Variants in IMPG2 observed in about 807,000 individuals in gnomAD.
The protein encoded by IMPG2 is interphotoreceptor matrix proteoglycan 2.
In IMPG2, 91 loss-of-function variants were observed where a neutral mutation model predicts 129.2. The observed-to-expected ratio is 0.70, with a 90% CI of 0.59 to 0.84. IMPG2 has a LOEUF of 0.84. Ranked by LOEUF, IMPG2 falls within the 40% of genes least tolerant of loss-of-function variation. The pLI, the probability that IMPG2 is intolerant of heterozygous loss-of-function variation, is 0.00. For missense variants in IMPG2, 1,430 were observed against 1,461.7 expected (o/e 0.98, Z 0.35); for synonymous variants, 510 against 517.7 (o/e 0.99, Z 0.20).
Position 101,320,471 on chromosome 3 carries a change from A to G in IMPG2, c.-99T>C, listed in dbSNP as rs1054449525. Reference sequence around the variant, plus strand: ...AACAAAGAGTTATAGGAAAGACCTAACATTTAAAAGTCTATGTTTGAGAAT... The same window carrying G: ...AACAAAGAGTTATAGGAAAGACCTAGCATTTAAAAGTCTATGTTTGAGAAT... On this transcript the variant is annotated 5_prime_UTR_variant, in exon 1 of 19. Transcript: ENST00000193391. 8.1e-5 allele frequency: 61 copies of G among 753,056 alleles called. No homozygotes were observed. The highest frequency in any genetic ancestry group is 8.0e-4 in the South Asian group (52 of 65,212). The allele number at this position is 753,056 out of a possible 1,614,324, so 46.6% of individuals were successfully genotyped here. A position where few individuals can be genotyped will look rare whatever the true frequency, so the allele number is the denominator to read the frequency against.
At chr3:101,318,147 A>AT (rs1233499229) in intron 2 of IMPG2, among the ~76,000 whole-genome samples, 13 of 65,546 alleles carry the variant, frequency 2.0e-4, no homozygotes, top group African/African-American at 6.4e-4. Context: ...AAAAATAGTA[A>AT]TAAATAATAA....
intron 12 of IMPG2, among the ~76,000 whole-genome samples, chr3:101,245,060 G>A (rs746807450): frequency 3.3e-5 from 5 of 151,164 alleles, no homozygotes; most frequent in South Asian, 2.1e-4. Flanking sequence ...TTAATTCCAC[G>A]AAAATAAAGA....
rs771246451 is a variant in IMPG2, at chr3:101,242,842, A to AT, written c.2867dup (p.Asn956LysfsTer19). The AT allele has an allele frequency of 3.1e-6, 5 of 1,613,980 alleles. No individual in the cohort carries two copies. The East Asian group carries it at 1.1e-4, about 36-fold the overall frequency. On this transcript the variant is annotated frameshift_variant, in exon 14 of 19. Coordinates refer to ENST00000193391, the MANE Select transcript of IMPG2 (RefSeq NM_016247.4). LOFTEE classifies it high-confidence loss of function. Reference sequence around the variant, plus strand: ...TTCGACTGTTCACCACAATGCTGCCATTTCTGAAGTTGAGGATTTCTAAGT... The same window carrying AT: ...TTCGACTGTTCACCACAATGCTGCCATTTTCTGAAGTTGAGGATTTCTAAGT...
chr3:101,278,664 T>C (rs1706862718), intron 4 of IMPG2, among the ~76,000 whole-genome samples: 2 of 151,740 alleles, frequency 1.3e-5, no homozygotes, highest in Admixed American at 6.6e-5. Context: ...GTTTTCTAAA[T>C]GCCCAGGCTT....
chr3:101,273,355 A>T (rs1706807598), intron 7 of IMPG2, among the ~76,000 whole-genome samples: 1 of 152,180 alleles, frequency 6.6e-6, no homozygotes, highest in African/African-American at 2.4e-5. Flanking sequence ...AAAAGTTGGA[A>T]ATTGCATTTA....
chr3:101,233,448 G>A (rs1430415736), intron 14 of IMPG2, among the ~76,000 whole-genome samples: 1 of 152,162 alleles, frequency 6.6e-6, no homozygotes, highest in Non-Finnish European at 1.5e-5. Flanking sequence ...AATGGGGAGA[G>A]AGAGCTCAGA....
intron 2 of IMPG2, among the ~76,000 whole-genome samples, chr3:101,316,122 C>T (rs920349759): frequency 6.6e-6 from 1 of 151,872 alleles, no homozygotes; most frequent in African/African-American, 2.4e-5. Flanking sequence ...AAGAAGATTA[C>T]AGTTTTAAGT....
chr3:101,231,720 C>T (rs542502037), intron 15 of IMPG2, among the ~76,000 whole-genome samples: 81 of 152,334 alleles, frequency 5.3e-4, no homozygotes, highest in African/African-American at 1.9e-3. Context: ...TCTATGCCAA[C>T]ATTTGCCCAT....
At chr3:101,269,695 T>C (rs1706758993) in intron 7 of IMPG2, 122 bp from the exon 8 acceptor site, 1 of 625,332 alleles carries the variant, frequency 1.6e-6, no homozygotes, top group South Asian at 2.1e-5. Context: ...CTTATACACT[T>C]AGCTAGGCAT....
intron 3 of IMPG2, among the ~76,000 whole-genome samples, chr3:101,293,292 T>TGCC (rs1242388094): frequency 1.3e-5 from 2 of 152,196 alleles, no homozygotes; most frequent in Non-Finnish European, 2.9e-5. Context: ...AGAATAAATA[T>TGCC]TGTATTGGCA....
chr3:101,242,937 GA>G (rs774495187), intron 13 of IMPG2, 30 bp from the exon 14 acceptor site: 27 of 1,570,596 alleles, frequency 1.7e-5, no homozygotes, highest in Non-Finnish European at 2.0e-5. Context: ...TAAGTTTATT[GA>G]CAGCGTGTCA....
In IMPG2 at chr3:101,244,042, A is replaced by T. The variant is rs1015904602; in HGVS notation, c.2289T>A (p.Val763=). 2.5e-6 allele frequency: 4 copies of T among 1,613,922 alleles called. No individual in the cohort carries two copies. Among genetic ancestry groups the T allele is most frequent in the Non-Finnish European group, 2.5e-6 (3 of 1,180,026 alleles). ...TTTGCATATCTGGCTTTACCATTGA[A>T]ACCTCACTGTCAAACCATTCATAGT... ...SSNYEWFDSE[V]SMVKPDMQTL... Residue 763 remains valine, a synonymous_variant, in exon 13 of 19, where the codon GTT becomes GTA. Coordinates refer to ENST00000193391, the MANE Select transcript of IMPG2 (RefSeq NM_016247.4).
At chr3:101,283,561 C>G (rs890535133) in intron 4 of IMPG2, among the ~76,000 whole-genome samples, 9 of 152,234 alleles carry the variant, frequency 5.9e-5, no homozygotes, top group Middle Eastern at 3.4e-3. Flanking sequence ...CAACATGGTA[C>G]ATATATACAG....
Position 101,231,139 on chromosome 3 carries a change from C to T in IMPG2, c.3240G>A (p.Arg1080=). 1 of 1,613,988 alleles carries T rather than the reference C, an allele frequency of 6.2e-7. No homozygotes were observed. The highest frequency in any genetic ancestry group is 8.5e-7 in the Non-Finnish European group (1 of 1,180,000). The change falls in exon 16 of 19, where the codon CGG becomes CGA. Residue 1080 remains arginine (R), a synonymous_variant. Coordinates refer to ENST00000193391, the MANE Select transcript of IMPG2 (RefSeq NM_016247.4). ...CTCGGTACCACCAGTTCTCACCCAC[C>T]CGGCACCTGCAACCAACAGTCACCA... The part of the protein sequence containing the change: ...MPGHGAICRC[R]VGENWWYRGK...
At chr3:101,307,709 G>C (rs1707219449) in intron 2 of IMPG2, among the ~76,000 whole-genome samples, 1 of 152,132 alleles carries the variant, frequency 6.6e-6, no homozygotes, top group African/African-American at 2.4e-5. Context: ...TTTTGGGTGG[G>C]GATACAGGCA....
At chr3:101,256,173 G>GAA (rs1202694832) in intron 10 of IMPG2, among the ~76,000 whole-genome samples, 1 of 134,710 alleles carries the variant, frequency 7.4e-6, no homozygotes, top group Non-Finnish European at 1.6e-5. Context: ...AAGAAAGAAA[G>GAA]AAAGAAAGAA....
chr3:101,277,946 C>G (rs981019093), intron 4 of IMPG2, among the ~76,000 whole-genome samples: 1 of 152,208 alleles, frequency 6.6e-6, no homozygotes, highest in African/African-American at 2.4e-5. Context: ...ATTAAAAACT[C>G]TCTTCAAGTT....
Position 101,267,446 on chromosome 3 carries a change from G to A in IMPG2, c.908+65C>T, listed in dbSNP as rs377625980. On this transcript the variant is annotated intron_variant, in intron 9 of 18. Transcript: ENST00000193391. ...TTGAGTTATGCTCCCCTGGACCTAC[G>A]GCCTGCTATATTTACTAAACTGTCT... 48 of 1,327,870 alleles carry A rather than the reference G, an allele frequency of 3.6e-5. No homozygotes were observed. In the African/African-American group the frequency reaches 5.1e-4, roughly 14 times the overall value. 82.3% of individuals were successfully genotyped at this position (1,327,870 alleles called of 1,614,324 possible).
intron 6 of IMPG2, among the ~76,000 whole-genome samples, chr3:101,275,403 A>G (rs1706830071): frequency 6.6e-6 from 1 of 152,220 alleles, no homozygotes; most frequent in South Asian, 2.1e-4. Flanking sequence ...AGGCCACAAG[A>G]GGCAGTGGGC....
Sources: allele counts gnomAD v4.1 joint callset (sites outside exome capture counted in the v4.1 genomes callset), GRCh38; gene constraint gnomAD v4.1.1; transcripts MANE v1.5; gene names NCBI Gene and HGNC (gene_info 2026-07-23, HGNC 2026-07-21).